Variants in AKAP19 observed in about 807,000 individuals in gnomAD.
The protein encoded by AKAP19 is A-kinase anchoring protein 19.
At chr2:189,996,817 A>G in the AKAP19 span, among the ~76,000 whole-genome samples, 1 of 152,128 alleles carries the variant, frequency 6.6e-6, no homozygotes, top group African/African-American at 2.4e-5. Flanking sequence ...GCCTTCCCCT[A>G]GGAATAGGGT....
At chr2:190,187,870 G>T in the AKAP19 span, among the ~76,000 whole-genome samples, 5 of 152,148 alleles carry the variant, frequency 3.3e-5, no homozygotes, top group African/African-American at 1.2e-4. Flanking sequence ...AAAAAGGTGG[G>T]TAGCTGCAGT....
chr2:189,932,015 C>T, the AKAP19 span, among the ~76,000 whole-genome samples: 7 of 152,150 alleles, frequency 4.6e-5, no homozygotes, highest in African/African-American at 1.7e-4. Flanking sequence ...CTAAATTTTG[C>T]CAGACACCTC....
chr2:190,041,875 C>G, the AKAP19 span, among the ~76,000 whole-genome samples: 2 of 152,158 alleles, frequency 1.3e-5, no homozygotes, highest in Non-Finnish European at 2.9e-5. Context: ...CCTACTTGAT[C>G]ATGGTGGATT....
At chr2:190,015,698 A>G in the AKAP19 span, among the ~76,000 whole-genome samples, 14 of 152,148 alleles carry the variant, frequency 9.2e-5, no homozygotes, top group Admixed American at 3.3e-4. Flanking sequence ...TCAAACTTTT[A>G]CACTCTGCTT....
At chr2:190,068,964 C>T in the AKAP19 span, among the ~76,000 whole-genome samples, 12 of 152,066 alleles carry the variant, frequency 7.9e-5, no homozygotes, top group Admixed American at 1.3e-4. Flanking sequence ...CTTCTCACAC[C>T]GTGTGGCTCT....
At chr2:189,975,776 G>C in the AKAP19 span, among the ~76,000 whole-genome samples, 2 of 151,904 alleles carry the variant, frequency 1.3e-5, no homozygotes, top group African/African-American at 2.4e-5. Context: ...TGATCGAATC[G>C]GCTACTGAAG....
the AKAP19 span, among the ~76,000 whole-genome samples, chr2:189,920,844 G>T: frequency 6.6e-6 from 1 of 152,142 alleles, no homozygotes; most frequent in South Asian, 2.1e-4. Flanking sequence ...CCTGTCTTCC[G>T]GTACTTGATG....
At chr2:190,117,431 G>GA in the AKAP19 span, among the ~76,000 whole-genome samples, 112 of 150,058 alleles carry the variant, frequency 7.5e-4, 2 homozygotes, top group Non-Finnish European at 3.4e-4. Context: ...ATTCTTGAAG[G>GA]AAAAAAAAAG....
chr2:189,932,707 C>CA, the AKAP19 span, among the ~76,000 whole-genome samples: 15,640 of 113,576 alleles, frequency 0.14, 2,703 homozygotes, highest in African/African-American at 0.4. Context: ...CCCTCTCTTT[C>CA]AAAAAAAAAA....
chr2:190,030,818 GA>G, the AKAP19 span, among the ~76,000 whole-genome samples: 1 of 152,192 alleles, frequency 6.6e-6, no homozygotes, highest in Non-Finnish European at 1.5e-5. Context: ...TAAAAGCAGA[GA>G]AGCCAGCTGA....
At chr2:189,926,842 G>A in the AKAP19 span, among the ~76,000 whole-genome samples, 1 of 149,252 alleles carries the variant, frequency 6.7e-6, no homozygotes, top group South Asian at 2.2e-4. Context: ...CTTGGCCTCC[G>A]AAATTGCTGG....
At chr2:189,913,875 T>C in the AKAP19 span, among the ~76,000 whole-genome samples, 1 of 152,112 alleles carries the variant, frequency 6.6e-6, no homozygotes, top group Non-Finnish European at 1.5e-5. Flanking sequence ...ATGAAGCATA[T>C]CTTTTCCTTA....
At chr2:190,188,694 T>C in the AKAP19 span, among the ~76,000 whole-genome samples, 13 of 152,368 alleles carry the variant, frequency 8.5e-5, no homozygotes, top group African/African-American at 2.6e-4. Flanking sequence ...TTTTAAGTAT[T>C]TAAAGTACTG....
At chr2:189,991,745 G>A in the AKAP19 span, among the ~76,000 whole-genome samples, 2 of 152,002 alleles carry the variant, frequency 1.3e-5, no homozygotes, top group Non-Finnish European at 1.5e-5. Flanking sequence ...ATTTGCTTTC[G>A]GGTTCTTGGT....
At chr2:189,973,351 A>G in the AKAP19 span, among the ~76,000 whole-genome samples, 2 of 152,120 alleles carry the variant, frequency 1.3e-5, no homozygotes, top group Non-Finnish European at 2.9e-5. Context: ...ATCATGGTGG[A>G]TAAACTTTTT....
chr2:190,051,441 C>T, the AKAP19 span, among the ~76,000 whole-genome samples: 8 of 152,136 alleles, frequency 5.3e-5, no homozygotes, highest in Non-Finnish European at 8.8e-5. Context: ...GATGAGGAAT[C>T]TTTGGTGGAA....
chr2:189,932,403 A>C, the AKAP19 span, among the ~76,000 whole-genome samples: 8 of 32,122 alleles, frequency 2.5e-4, no homozygotes, highest in Admixed American at 5.4e-4. Flanking sequence ...GCGAGACTCC[A>C]ACTCAAAAAA....
chr2:190,000,536 C>G, the AKAP19 span, among the ~76,000 whole-genome samples: 4 of 152,182 alleles, frequency 2.6e-5, no homozygotes, highest in African/African-American at 4.8e-5. Context: ...CCTAGCAAGG[C>G]CAATTCAAAC....
chr2:190,099,587 G>A, the AKAP19 span, among the ~76,000 whole-genome samples: 3 of 152,206 alleles, frequency 2.0e-5, no homozygotes, highest in East Asian at 1.9e-4. Flanking sequence ...ACCAAAATGC[G>A]ACAGAGACAC....
Sources: allele counts gnomAD v4.1 joint callset (sites outside exome capture counted in the v4.1 genomes callset), GRCh38; gene constraint gnomAD v4.1.1; transcripts MANE v1.5; gene names NCBI Gene and HGNC (gene_info 2026-07-23, HGNC 2026-07-21).